DENND2B: variants seen among roughly 807,000 people sequenced by gnomAD.
DENND2B encodes the protein DENN domain containing 2B.
A neutral mutation model predicts 116.0 loss-of-function variants in DENND2B; 32 were observed. The ratio of observed to expected loss-of-function variants is 0.28; its 90% confidence interval spans 0.21 to 0.37. DENND2B has a LOEUF of 0.37. DENND2B is among the 10% of genes least tolerant of loss of function. The probability of loss-of-function intolerance (pLI) is 1.00; values close to 1 mark genes in which losing one functional copy is unlikely to be tolerated. For missense variants in DENND2B, 1,276 were observed against 1,477.7 expected (o/e 0.86, Z 2.24); for synonymous variants, 588 against 583.9 (o/e 1.01, Z -0.10).
At chr11:8,804,656 T>C (rs1050018026) in intron 1 of DENND2B, among the ~76,000 whole-genome samples, 3 of 151,252 alleles carry the variant, frequency 2.0e-5, no homozygotes, top group African/African-American at 7.3e-5. Flanking sequence ...GCTGTTCTCC[T>C]ACCTCAGCCT....
intron 2 of DENND2B, among the ~76,000 whole-genome samples, chr11:8,870,043 T>G (rs2063722501): frequency 6.6e-6 from 1 of 152,222 alleles, no homozygotes; most frequent in African/African-American, 2.4e-5. Flanking sequence ...AGTTGCAGTG[T>G]GTGCAGCTAA....
chr11:8,826,637 C>A (rs2134565672), intron 4 of DENND2B, among the ~76,000 whole-genome samples: 1 of 152,302 alleles, frequency 6.6e-6, no homozygotes, highest in East Asian at 1.9e-4. Flanking sequence ...CGGCCCTGAT[C>A]TACAGATGAG....
At chr11:8,711,923 G>A (rs1405875371) in intron 9 of DENND2B, 2 of 453,070 alleles carry the variant, frequency 4.4e-6, no homozygotes, top group African/African-American at 4.0e-5. Flanking sequence ...CTGGGCAGGG[G>A]AGGGGCTCCA....
At chr11:8,717,970 AG>A (rs2045263115) in intron 4 of DENND2B, 78 bp from the exon 5 acceptor site, 1 of 1,524,830 alleles carries the variant, frequency 6.6e-7, no homozygotes, top group African/African-American at 1.4e-5. Flanking sequence ...CAAATAAACA[AG>A]CAGAATTCCT....
intron 2 of DENND2B, among the ~76,000 whole-genome samples, chr11:8,878,523 G>A (rs1358939830): frequency 2.6e-5 from 4 of 151,842 alleles, no homozygotes; most frequent in Non-Finnish European, 5.9e-5. Flanking sequence ...CCAAATAGCT[G>A]GGATTATAGG....
chr11:8,755,119 A>G, intron 1 of DENND2B, among the ~76,000 whole-genome samples: 1 of 152,228 alleles, frequency 6.6e-6, no homozygotes, highest in Non-Finnish European at 1.5e-5. Flanking sequence ...CACATCAAGC[A>G]TATTTCCAAT....
intron 1 of DENND2B, chr11:8,771,665 CTA>C (rs1292519662): frequency 6.6e-6 from 1 of 151,782 alleles, no homozygotes; most frequent in African/African-American, 2.4e-5. Context: ...ACAAGTCCCT[CTA>C]CCATACCTGA....
chr11:8,871,171 G>T (rs918284131), intron 1 of DENND2B: 1 of 152,262 alleles, frequency 6.6e-6, no homozygotes, highest in Non-Finnish European at 1.5e-5. Context: ...GACAGAGAGG[G>T]TGGGCTGCTG....
At chr11:8,876,254 C>T (rs112353583), upstream of DENND2B, among the ~76,000 whole-genome samples, 4,831 of 151,988 alleles carry the variant, frequency 0.032, 239 homozygotes, top group African/African-American at 0.11. Flanking sequence ...ATACTTTAAT[C>T]TTGTCAAGCT....
intron 3 of DENND2B, among the ~76,000 whole-genome samples, chr11:8,726,741 T>C (rs1200278111): frequency 6.6e-6 from 1 of 152,206 alleles, no homozygotes; most frequent in African/African-American, 2.4e-5. Context: ...GCATCCTAGC[T>C]GGGGACTCCT....
chr11:8,773,333 C>T (rs1318115030), intron 1 of DENND2B, among the ~76,000 whole-genome samples: 1 of 152,160 alleles, frequency 6.6e-6, no homozygotes, highest in Admixed American at 6.5e-5. Flanking sequence ...CATACAAGGA[C>T]AGACTCGAGG....
chr11:8,892,716 A>G (rs2064049765), intron 1 of DENND2B, among the ~76,000 whole-genome samples: 1 of 152,258 alleles, frequency 6.6e-6, no homozygotes, highest in African/African-American at 2.4e-5. Flanking sequence ...GAATCCCTGA[A>G]TAGACCAATA....
At chr11:8,826,378 G>A (rs769518687) in intron 4 of DENND2B, among the ~76,000 whole-genome samples, 2 of 152,178 alleles carry the variant, frequency 1.3e-5, no homozygotes, top group Non-Finnish European at 2.9e-5. Context: ...GAATTCTTGT[G>A]GATCTTTAAC....
At chr11:8,746,027 T>C (rs1429508591) in intron 2 of DENND2B, among the ~76,000 whole-genome samples, 1 of 151,620 alleles carries the variant, frequency 6.6e-6, no homozygotes, top group Non-Finnish European at 1.5e-5. Context: ...ATTTGTTATG[T>C]AGCAATAAAT....
At chr11:8,743,913 A>ATT (rs371544324) in intron 2 of DENND2B, among the ~76,000 whole-genome samples, 1 of 148,824 alleles carries the variant, frequency 6.7e-6, no homozygotes, top group African/African-American at 2.5e-5. Flanking sequence ...TGCCTGATTA[A>ATT]TTTTTTTTTT....
chr11:8,777,584 G>C (rs1301161038), intron 1 of DENND2B, among the ~76,000 whole-genome samples: 1 of 152,182 alleles, frequency 6.6e-6, no homozygotes, highest in Non-Finnish European at 1.5e-5. Context: ...TACTCCAAAT[G>C]CCCACACCAT....
At chr11:8,731,583 C>T (rs957296001) in intron 2 of DENND2B, among the ~76,000 whole-genome samples, 4 of 152,266 alleles carry the variant, frequency 2.6e-5, no homozygotes, top group Non-Finnish European at 5.9e-5. Flanking sequence ...GGTGTGGTGG[C>T]TCATGCCTGT....
chr11:8,747,400 C>T (rs1333122176), intron 2 of DENND2B, among the ~76,000 whole-genome samples: 1 of 152,204 alleles, frequency 6.6e-6, no homozygotes, highest in Non-Finnish European at 1.5e-5. Context: ...CCTGCCAGGT[C>T]TTACTGCAAA....
At chr11:8,882,763 G>A (rs1298942194) in intron 1 of DENND2B, among the ~76,000 whole-genome samples, 1 of 152,162 alleles carries the variant, frequency 6.6e-6, no homozygotes, top group Non-Finnish European at 1.5e-5. Context: ...CAAGGTGAGT[G>A]GACTGCTTGA....
Sources: allele counts gnomAD v4.1 joint callset (sites outside exome capture counted in the v4.1 genomes callset), GRCh38; gene constraint gnomAD v4.1.1; transcripts MANE v1.5; gene names NCBI Gene and HGNC (gene_info 2026-07-23, HGNC 2026-07-21).